The following PRAC1 variants were observed in gnomAD, a reference collection of about 807,000 sequenced individuals.
The protein encoded by PRAC1 is small nuclear protein PRAC1.
A neutral mutation model predicts 3.1 loss-of-function variants in PRAC1; 4 were observed. The ratio of observed to expected loss-of-function variants is 1.28; its 90% CI spans 0.63 to 2.93. The LOEUF (loss-of-function observed/expected upper bound fraction) is 2.93, where lower values mean the gene tolerates loss of function less well. Ranked by LOEUF, PRAC1 falls within the 30% of genes most tolerant of loss-of-function variation. The probability of loss-of-function intolerance (pLI) is 0.01; values close to 1 mark genes in which losing one functional copy is unlikely to be tolerated. For synonymous variants in PRAC1, 32 were observed against 27.0 expected, an observed-to-expected ratio of 1.18 and a Z score of -0.57; for missense variants, 72 against 66.8, an observed-to-expected ratio of 1.08 and a Z score of -0.27.
intron 1 of PRAC1, among the ~76,000 whole-genome samples, 152 bp from the exon 2 acceptor site, chr17:48,722,051 C>T (rs2038150317): frequency 6.6e-6 from 1 of 152,206 alleles, no homozygotes; most frequent in Non-Finnish European, 1.5e-5. Context: ...CCAAGCCTCT[C>T]CCCCGCCTAG....
rs540494490 is a variant in PRAC1 at position 48,721,791 on chromosome 17, A to G, written c.*10T>C. The G allele has an allele frequency of 9.6e-5, 147 of 1,526,638 alleles. No homozygotes were observed. Among genetic ancestry groups the G allele is most frequent in the Non-Finnish European group, 1.1e-5 (13 of 1,134,976 alleles). The allele number at this position is 1,526,638 out of a possible 1,614,324, so 94.6% of individuals were successfully genotyped here. Reference sequence around the variant, plus strand: ...GCTACATTGCCCAGGCTGGTCTGGAACTCCTGTGCTCAAGGAATCTTCCTG... The same window carrying G: ...GCTACATTGCCCAGGCTGGTCTGGAGCTCCTGTGCTCAAGGAATCTTCCTG... On this transcript the variant is annotated 3_prime_UTR_variant, in exon 2 of 2. Coordinates refer to ENST00000290294, the MANE Select transcript of PRAC1 (RefSeq NM_032391.3).
At position 48,722,364 on chromosome 17, in the gene PRAC1, C is replaced by T; in HGVS notation, c.29G>A (p.Gly10Glu). 1 of 1,614,174 alleles carries T rather than the reference C, an allele frequency of 6.2e-7. No homozygotes were observed. Among genetic ancestry groups the T allele is most frequent in the South Asian group, 1.1e-5 (1 of 91,086 alleles). MLCAHFSDQ[G>E]PAHLTTSKSA... is the part of the protein sequence containing the mutation. ...CTTGGAGGTAGTAAGATGGGCCGGT[C>T]CTTGATCTGAGAAATGGGCGCACAA... is the stretch of plus-strand genomic sequence containing the variant. Residue 10 changes from glycine to glutamate, a missense_variant, in exon 1 of 2, where the codon GGA becomes GAA. Physicochemically the swap from Gly to Glu is moderately conservative, Grantham distance 98. Transcript: ENST00000290294.
chr17:48,722,451 G>A lies in PRAC1; in HGVS notation c.-59C>T, dbSNP rs1040568191. 3.4e-6 allele frequency: 5 copies of A among 1,457,650 alleles called. No individual in the cohort carries two copies. The highest frequency in any genetic ancestry group is 3.9e-6 in the Non-Finnish European group (4 of 1,037,840). The allele number at this position is 1,457,650 out of a possible 1,614,324, so 90.3% of individuals were successfully genotyped here. On this transcript the variant is annotated 5_prime_UTR_variant, in exon 1 of 2. Transcript: ENST00000290294. ...CCAGCTTGCCTGACCTTGCAAGCAA[G>A]CATCGGCCTAAAGGTTTCAGCCTCC...
chr17:48,721,799 G>A lies in PRAC1; in HGVS notation c.*2C>T, dbSNP rs2038147559. 1.9e-6 allele frequency: 3 copies of A among 1,538,880 alleles called. No homozygotes were observed. Among genetic ancestry groups the A allele is most frequent in the African/African-American group, 1.4e-5 (1 of 72,852 alleles). ...GCCCAGGCTGGTCTGGAACTCCTGTGCTCAAGGAATCTTCCTGCCTCGGCC... is the reference window on the plus strand; with the variant it reads ...GCCCAGGCTGGTCTGGAACTCCTGTACTCAAGGAATCTTCCTGCCTCGGCC... On this transcript the variant is annotated 3_prime_UTR_variant, in exon 2 of 2. Transcript: ENST00000290294.
Position 48,722,330 on chromosome 17 carries a change from A to T in PRAC1, c.63T>A (p.Phe21Leu), listed in dbSNP as rs377467326. ...PAHLTTSKSA[F>L]LSNKKTSTLK... Reference sequence around the variant, plus strand: ...CCGATCAGTTTACCTTATTAGAGAGAAAAGCACTCTTGGAGGTAGTAAGAT... The same window carrying T: ...CCGATCAGTTTACCTTATTAGAGAGTAAAGCACTCTTGGAGGTAGTAAGAT... Residue 21 changes from phenylalanine (F) to leucine (L), a missense_variant, in exon 1 of 2, where the codon TTT (phenylalanine) becomes TTA (leucine). By Grantham distance (22) the Phe-to-Leu change is conservative (BLOSUM62 0). Coordinates refer to ENST00000290294, the MANE Select transcript of PRAC1 (RefSeq NM_032391.3). The T allele has an allele frequency of 4.3e-6, 7 of 1,613,866 alleles. No homozygotes were observed. The highest frequency in any genetic ancestry group is 5.9e-6 in the Non-Finnish European group (7 of 1,179,742).
rs2038153324 is a variant in PRAC1 at position 48,722,232 on chromosome 17, T to C, written c.75+86A>G. 6 of 1,162,810 alleles carry C rather than the reference T, an allele frequency of 5.2e-6. No individual in the cohort carries two copies. In the South Asian group the frequency reaches 7.7e-5, roughly 15 times the overall value. The allele number at this position is 1,162,810 out of a possible 1,614,324, so 72.0% of individuals were successfully genotyped here. On this transcript the variant is annotated intron_variant, in intron 1 of 1. Transcript: ENST00000290294. ...AAACTTCTGAAGGCTCCCAAATTCC[T>C]GGGAGACCCTCTCCCAGGGCCTCCT...
Position 48,721,840 on chromosome 17 carries a change from A to G in PRAC1, c.135T>C (p.Asn45=). 6.5e-7 allele frequency: 1 copy of G among 1,543,966 alleles called. No individual in the cohort carries two copies. Among genetic ancestry groups the G allele is most frequent in the Non-Finnish European group, 8.8e-7 (1 of 1,142,510 alleles). Residue 45 remains asparagine, a synonymous_variant, in exon 2 of 2, where the codon AAT becomes AAC. Transcript: ENST00000290294. ...GETRSDGSAC[N]SGISGGRGRK... is the part of the protein sequence containing the mutation. ...TGCCTCGGCCTCCCGAAATTCCAGA[A>G]TTACAGGCTGAGCCATCACTCCTGG...
chr17:48,721,881 G>A lies in PRAC1; in HGVS notation c.94C>T (p.His32Tyr), dbSNP rs1365467458. 3 of 1,527,514 alleles carry A rather than the reference G, an allele frequency of 2.0e-6. No homozygotes were observed. The highest frequency in any genetic ancestry group is 2.1e-5 in the Admixed American group (1 of 47,022). 94.6% of individuals were successfully genotyped at this position (1,527,514 alleles called of 1,614,324 possible). Residue 32 changes from histidine (H) to tyrosine (Y), a missense_variant, in exon 2 of 2, where the codon CAT becomes TAT. His to Tyr is a moderately conservative substitution (Grantham distance 83, BLOSUM62 2). Coordinates refer to ENST00000290294, the MANE Select transcript of PRAC1 (RefSeq NM_032391.3). ...LSNKKTSTLKHLLGETRSDGS... is the reference protein window; with the variant it reads ...LSNKKTSTLKYLLGETRSDGS... ...TCACTCCTGGTCTCGCCCAGTAGAT[G>A]TTTCAAAGTAGATGTTTTCTAAAAT...
At chr17:48,722,113 A>G (rs78731865) in intron 1 of PRAC1, among the ~76,000 whole-genome samples, 10,627 of 152,058 alleles carry the variant, frequency 0.07, 509 homozygotes, top group Non-Finnish European at 0.1. Context: ...CTTTCTGCCC[A>G]GGGCGGCTGC....
chr17:48,721,973 A>C, intron 1 of PRAC1, 74 bp from the exon 2 acceptor site: 1 of 1,394,400 alleles, frequency 7.2e-7, no homozygotes, highest in Non-Finnish European at 9.6e-7. Flanking sequence ...TTATGCCAGG[A>C]CTCCATCCCA....
chr17:48,721,982 CATTGGAGACAAACATTA>C, intron 1 of PRAC1, 83 bp from the exon 2 acceptor site: 1 of 1,346,796 alleles, frequency 7.4e-7, no homozygotes, highest in Middle Eastern at 2.7e-4. Context: ...GACTCCATCC[CATTGGAGACAAACATTA>C]AGTCTTATGG....
chr17:48,722,265 C>T, intron 1 of PRAC1, 53 bp downstream of exon 1: 1 of 1,474,000 alleles, frequency 6.8e-7, no homozygotes, highest in Non-Finnish European at 9.5e-7. Flanking sequence ...CCTGATGCAG[C>T]TACCATACTG....
rs778844899 is a variant in PRAC1 at position 48,722,361 on chromosome 17, G to A, written c.32C>T (p.Pro11Leu). The A allele has an allele frequency of 1.2e-6, 2 of 1,614,208 alleles. No homozygotes were observed. The highest frequency in any genetic ancestry group is 8.5e-7 in the Non-Finnish European group (1 of 1,180,012). ...ACTCTTGGAGGTAGTAAGATGGGCC[G>A]GTCCTTGATCTGAGAAATGGGCGCA... MLCAHFSDQG[P>L]AHLTTSKSAF... Residue 11 changes from proline (P) to leucine (L), a missense_variant, in exon 1 of 2, where the codon CCG (proline) becomes CTG (leucine). Pro to Leu is a moderately conservative substitution (Grantham distance 98). Coordinates refer to ENST00000290294, the MANE Select transcript of PRAC1 (RefSeq NM_032391.3).
intron 1 of PRAC1, 146 bp from the exon 2 acceptor site, chr17:48,722,045 G>T: frequency 1.0e-6 from 1 of 953,518 alleles, no homozygotes; most frequent in South Asian, 1.9e-5. Context: ...CCACTCCCAA[G>T]CCTCTCCCCC....
chr17:48,722,514 G>A lies in PRAC1; in HGVS notation c.-122C>T. Reference sequence around the variant, plus strand: ...GTTTGCACGCCTTAGGCTAGGAGAGGAAGGACGGGAGCACAGCACTGGGTG... The same window carrying A: ...GTTTGCACGCCTTAGGCTAGGAGAGAAAGGACGGGAGCACAGCACTGGGTG... On this transcript the variant is annotated 5_prime_UTR_variant, in exon 1 of 2. Transcript: ENST00000290294. 1.2e-6 allele frequency: 1 copy of A among 811,156 alleles called. No homozygotes were observed. Among genetic ancestry groups the A allele is most frequent in the Non-Finnish European group, 2.1e-6 (1 of 473,182 alleles). 50.2% of individuals were successfully genotyped at this position (811,156 alleles called of 1,614,324 possible).
In PRAC1 at chr17:48,721,735, A is replaced by C; in HGVS notation, c.*66T>G. The C allele has an allele frequency of 2.2e-6, 3 of 1,357,922 alleles. No homozygotes were observed. Among genetic ancestry groups the C allele is most frequent in the Non-Finnish European group, 2.9e-6 (3 of 1,044,672 alleles). The allele number at this position is 1,357,922 out of a possible 1,614,324, so 84.1% of individuals were successfully genotyped here. ...TTCACCCAGTTTCCTTTTTTAAAAA[A>C]ATTTTATTGTATAAATAGAGACAGC... On this transcript the variant is annotated 3_prime_UTR_variant, in exon 2 of 2. Coordinates refer to ENST00000290294, the MANE Select transcript of PRAC1 (RefSeq NM_032391.3).
At chr17:48,721,981 C>T in intron 1 of PRAC1, 82 bp from the exon 2 acceptor site, 1 of 1,348,778 alleles carries the variant, frequency 7.4e-7, no homozygotes, top group Admixed American at 2.6e-5. Flanking sequence ...GGACTCCATC[C>T]CATTGGAGAC....
In PRAC1 at chr17:48,722,427, C is replaced by G; in HGVS notation, c.-35G>C. The G allele has an allele frequency of 6.3e-7, 1 of 1,597,780 alleles. No individual in the cohort carries two copies. Among genetic ancestry groups the G allele is most frequent in the Non-Finnish European group, 8.6e-7 (1 of 1,165,110 alleles). On this transcript the variant is annotated 5_prime_UTR_variant, in exon 1 of 2. Transcript: ENST00000290294. ...CTCTGCAAAGGTGGGGACCAGAATC[C>G]AGCTTGCCTGACCTTGCAAGCAAGC... is the stretch of plus-strand genomic sequence containing the variant.
At chr17:48,721,999 A>G in intron 1 of PRAC1, 100 bp from the exon 2 acceptor site, 1 of 1,292,856 alleles carries the variant, frequency 7.7e-7, no homozygotes, top group Non-Finnish European at 1.0e-6. Flanking sequence ...GACAAACATT[A>G]AGTCTTATGG....
Sources: gnomAD v4.1 joint callset for allele counts (sites outside exome capture counted in the v4.1 genomes callset) on GRCh38, gnomAD v4.1.1 for gene constraint, MANE v1.5 for transcripts, NCBI Gene and HGNC (gene_info 2026-07-23, HGNC 2026-07-21) for gene names.